The following STUM variants were observed in gnomAD, a reference collection of about 807,000 sequenced individuals.
The protein encoded by STUM is protein stum homolog.
In STUM, 8 loss-of-function variants were observed where a neutral mutation model predicts 15.3. The ratio of observed to expected loss-of-function variants is 0.52; its 90% CI spans 0.31 to 0.94. STUM has a LOEUF of 0.94. Among genes scored for constraint, STUM ranks in the 40% least tolerant of loss-of-function variants. The pLI is 0.05. For missense variants in STUM, 142 were observed against 204.9 expected (o/e 0.69, Z 1.87); for synonymous variants, 78 against 88.7 (o/e 0.88, Z 0.68).
intron 2 of STUM, among the ~76,000 whole-genome samples, chr1:226,597,989 AG>A (rs1668210816): frequency 6.6e-6 from 1 of 152,174 alleles, no homozygotes. Flanking sequence ...GCAGCAGGGA[AG>A]CTGCTCCTTC....
At chr1:226,560,732 G>T (rs1219873635) in intron 1 of STUM, among the ~76,000 whole-genome samples, 1 of 152,134 alleles carries the variant, frequency 6.6e-6, no homozygotes, top group East Asian at 1.9e-4. Flanking sequence ...GGTCCCCTGG[G>T]TCACATCTCA....
intron 3 of STUM, among the ~76,000 whole-genome samples, chr1:226,601,120 G>A (rs896277095): frequency 4.0e-5 from 6 of 149,820 alleles, no homozygotes; most frequent in South Asian, 2.1e-4. Context: ...AGTAGGTATC[G>A]TTTTTTTTTT....
rs1169934802 is a variant in STUM, at chr1:226,567,688, G to T, written c.202+18582G>T. On this transcript the variant is annotated intron_variant, in intron 1 of 3. Transcript: ENST00000366788. This position sits in a 1 kb window ranked among gnomAD's most constrained non-coding sequence, Gnocchi z 4.5. ...GCCAAACACACATTGGAGAAGAAAT[G>T]ACAAATAAAAGCATTTAAAAGTGGA... Among the ~76,000 whole-genome samples, 2 of 152,184 alleles carry T rather than the reference G, an allele frequency of 1.3e-5. No individual in the cohort carries two copies. The highest frequency in any genetic ancestry group is 4.8e-5 in the African/African-American group (2 of 41,452).
intron 1 of STUM, among the ~76,000 whole-genome samples, chr1:226,561,400 C>G (rs1240060601): frequency 6.6e-6 from 1 of 152,090 alleles, no homozygotes; most frequent in Non-Finnish European, 1.5e-5. Context: ...CACTTCTTGG[C>G]CTTCCTAGCT....
At chr1:226,580,612 A>G (rs1389283809) in intron 1 of STUM, among the ~76,000 whole-genome samples, 1 of 152,020 alleles carries the variant, frequency 6.6e-6, no homozygotes. Flanking sequence ...CTCCCCACTC[A>G]CCCTGAGGTC....
intron 1 of STUM, among the ~76,000 whole-genome samples, chr1:226,570,149 G>T (rs1022399731): frequency 6.6e-6 from 1 of 152,132 alleles, no homozygotes; most frequent in Admixed American, 6.5e-5. Context: ...TCTGCTCAGG[G>T]CTGTCACCCG....
intron 1 of STUM, among the ~76,000 whole-genome samples, chr1:226,578,975 A>AC (rs1338179562): frequency 6.6e-6 from 1 of 152,228 alleles, no homozygotes; most frequent in Non-Finnish European, 1.5e-5. Flanking sequence ...GTTCATAATG[A>AC]CAAGAAGTGA....
At chr1:226,554,044 C>T (rs1191699719) in intron 1 of STUM, among the ~76,000 whole-genome samples, 1 of 152,222 alleles carries the variant, frequency 6.6e-6, no homozygotes, top group African/African-American at 2.4e-5. Context: ...ATACTTCCTC[C>T]CCTGTCCACT....
rs1667391869 is a variant in STUM, at chr1:226,552,773, A to G, written c.202+3667A>G. 6.6e-6 allele frequency among the ~76,000 whole-genome samples: 1 copy of G among 152,184 alleles called. No individual in the cohort carries two copies. Among genetic ancestry groups the G allele is most frequent in the Non-Finnish European group, 1.5e-5 (1 of 68,030 alleles). On this transcript the variant is annotated intron_variant, in intron 1 of 3. Transcript: ENST00000366788. This position sits in a 1 kb window ranked among gnomAD's most constrained non-coding sequence, Gnocchi z 4.7. ...TCTCTTTCCTCTAGACCCAAGGCTC[A>G]AACTGATGATTAATCATGTCCTACC...
intron 1 of STUM, among the ~76,000 whole-genome samples, chr1:226,579,801 A>G (rs1247726875): frequency 6.6e-6 from 1 of 152,048 alleles, no homozygotes; most frequent in Non-Finnish European, 1.5e-5. Context: ...CTAATTAAAA[A>G]AAAAATTTTT....
At chr1:226,559,903 G>C (rs951893437) in intron 1 of STUM, among the ~76,000 whole-genome samples, 6 of 152,078 alleles carry the variant, frequency 3.9e-5, no homozygotes, top group Non-Finnish European at 8.8e-5. Flanking sequence ...AACCCGGGGG[G>C]GCGGAGCTTG....
intron 1 of STUM, among the ~76,000 whole-genome samples, chr1:226,578,435 G>C (rs914592765): frequency 2.7e-5 from 4 of 146,254 alleles, no homozygotes; most frequent in African/African-American, 1.0e-4. Flanking sequence ...CGCAATCACA[G>C]GTCACTTGCA....
At chr1:226,573,115 C>T (rs1027245834) in intron 1 of STUM, among the ~76,000 whole-genome samples, 1 of 152,238 alleles carries the variant, frequency 6.6e-6, no homozygotes, top group Non-Finnish European at 1.5e-5. Context: ...TGTAGTGTTA[C>T]CTGGGCACCT....
intron 1 of STUM, among the ~76,000 whole-genome samples, chr1:226,578,770 A>G (rs574086777): frequency 4.3e-4 from 66 of 152,300 alleles, no homozygotes; most frequent in African/African-American, 1.6e-3. Context: ...CTGGGCAGAG[A>G]CAATGAGTGC....
chr1:226,597,020 A>C (rs1668192574), intron 2 of STUM, 39 bp downstream of exon 2: 4 of 1,597,730 alleles, frequency 2.5e-6, no homozygotes, highest in Admixed American at 1.7e-5. Context: ...GGGGGTGGGG[A>C]GTGGCCAGGG....
rs2102682127 is a variant in STUM, at chr1:226,549,265, AG to A, written c.202+160del. 6.6e-6 allele frequency among the ~76,000 whole-genome samples: 1 copy of A among 152,268 alleles called. No individual in the cohort carries two copies. The highest frequency in any genetic ancestry group is 2.1e-4 in the South Asian group (1 of 4,830). On this transcript the variant is annotated intron_variant, in intron 1 of 3. Coordinates refer to ENST00000366788, the MANE Select transcript of STUM (RefSeq NM_001003665.4). This position sits in a 1 kb window ranked among gnomAD's most constrained non-coding sequence, Gnocchi z 6.8. ...CTCCTGGCGTCCCCGGGCAGGTGGCAGAAGCGCGTGGAGTGTGCACCCCAGA... is the reference window on the plus strand; with the variant it reads ...CTCCTGGCGTCCCCGGGCAGGTGGCAAAGCGCGTGGAGTGTGCACCCCAGA...
intron 1 of STUM, among the ~76,000 whole-genome samples, chr1:226,566,713 T>C (rs1453451162): frequency 1.3e-5 from 2 of 152,194 alleles, no homozygotes; most frequent in Non-Finnish European, 2.9e-5. Flanking sequence ...CAAGAGCCCT[T>C]TTAACTGACT....
intron 1 of STUM, among the ~76,000 whole-genome samples, chr1:226,569,373 C>A (rs541857863): frequency 6.6e-6 from 1 of 152,270 alleles, no homozygotes; most frequent in Non-Finnish European, 1.5e-5. Flanking sequence ...GCTCTGTGAC[C>A]CAGCAGGGCC....
rs1260620756 is a variant in STUM, at chr1:226,603,722, A to G, written c.*1682A>G. ...AAGCGGGCCCTGCTGCCCACCCCTT[A>G]TCATGGATCCCTTAGCTACTGTCCG... On this transcript the variant is annotated 3_prime_UTR_variant, in exon 4 of 4. Coordinates refer to ENST00000366788, the MANE Select transcript of STUM (RefSeq NM_001003665.4). 1 of 152,260 alleles carries G rather than the reference A, an allele frequency of 6.6e-6. No homozygotes were observed. The highest frequency in any genetic ancestry group is 6.5e-5 in the Admixed American group (1 of 15,278). 9.4% of individuals were successfully genotyped at this position (152,260 alleles called of 1,614,324 possible).
Sources: gnomAD v4.1 joint callset for allele counts (sites outside exome capture counted in the v4.1 genomes callset) on GRCh38, gnomAD v4.1.1 for gene constraint, Gnocchi (gnomAD v3.1) non-coding constraint, MANE v1.5 for transcripts, NCBI Gene and HGNC (gene_info 2026-07-23, HGNC 2026-07-21) for gene names.